The following DOCK4 variants were observed in gnomAD, a reference collection of about 807,000 sequenced individuals.
DOCK4 encodes the protein dedicator of cytokinesis protein 4.
In DOCK4, 97 loss-of-function variants were observed where a neutral mutation model predicts 268.1. The ratio of observed to expected loss-of-function variants is 0.36; its 90% CI spans 0.31 to 0.43. The LOEUF is 0.43. Ranked by LOEUF, DOCK4 falls within the 20% of genes least tolerant of loss-of-function variation. The probability of loss-of-function intolerance (pLI) is 1.00; values close to 1 mark genes in which losing one functional copy is unlikely to be tolerated. For synonymous variants in DOCK4, 954 were observed against 887.2 expected (o/e 1.08, Z -1.34); for missense variants, 2,145 against 2,455.7 (o/e 0.87, Z 2.67).
chr7:111,981,941 C>T (rs530663293), intron 7 of DOCK4, among the ~76,000 whole-genome samples: 15 of 152,138 alleles, frequency 9.9e-5, no homozygotes, highest in African/African-American at 1.2e-4. Context: ...AGAACAGAGA[C>T]AAAATTACAT....
chr7:112,048,167 TA>T (rs1019866064), intron 1 of DOCK4, among the ~76,000 whole-genome samples: 46 of 152,148 alleles, frequency 3.0e-4, no homozygotes, highest in African/African-American at 8.9e-4. Flanking sequence ...CCAAGAAGCT[TA>T]ATGAAGCACA....
chr7:112,027,819 T>A (rs949657131), intron 1 of DOCK4, among the ~76,000 whole-genome samples: 1 of 152,282 alleles, frequency 6.6e-6, no homozygotes, highest in Admixed American at 6.5e-5. Flanking sequence ...TCCTTCAACA[T>A]CATTTCTTAA....
chr7:111,988,090 T>C (rs1799192059), intron 6 of DOCK4, among the ~76,000 whole-genome samples: 1 of 152,240 alleles, frequency 6.6e-6, no homozygotes, highest in Non-Finnish European at 1.5e-5. Flanking sequence ...TTTTTCCACA[T>C]TCAGTAAGAG....
chr7:112,056,434 CTA>C (rs1805827387), intron 1 of DOCK4, among the ~76,000 whole-genome samples: 2 of 152,036 alleles, frequency 1.3e-5, no homozygotes, highest in East Asian at 3.8e-4. Flanking sequence ...AACTACTAAA[CTA>C]TATTAAAAAT....
At chr7:111,915,633 G>C in intron 13 of DOCK4, 146 bp downstream of exon 13, 4 of 642,370 alleles carry the variant, frequency 6.2e-6, no homozygotes, top group Non-Finnish European at 9.6e-6. Flanking sequence ...AAAAAAATGT[G>C]CTTACTTACA....
intron 23 of DOCK4, among the ~76,000 whole-genome samples, chr7:111,855,356 C>T (rs766894179): frequency 8.7e-4 from 132 of 151,892 alleles, no homozygotes; most frequent in Non-Finnish European, 1.6e-3. Context: ...TACAGAGGCA[C>T]GTGAGGTTTC....
intron 36 of DOCK4, among the ~76,000 whole-genome samples, chr7:111,771,097 T>C (rs973991906): frequency 6.6e-5 from 10 of 152,224 alleles, no homozygotes; most frequent in Non-Finnish European, 1.2e-4. Flanking sequence ...AAATAAATGA[T>C]CATGGTTAAA....
At chr7:111,734,854 A>G (rs1795358489) in intron 51 of DOCK4, among the ~76,000 whole-genome samples, 200 bp downstream of exon 51, 2 of 152,212 alleles carry the variant, frequency 1.3e-5, no homozygotes, top group Non-Finnish European at 2.9e-5. Context: ...CGAGAGGCTT[A>G]CTTGGAACAG....
intron 8 of DOCK4, among the ~76,000 whole-genome samples, chr7:111,949,513 A>T (rs960409895): frequency 2.0e-5 from 3 of 152,188 alleles, no homozygotes; most frequent in Non-Finnish European, 4.4e-5. Flanking sequence ...AATATGTCCT[A>T]AGCCAATGAC....
intron 1 of DOCK4, among the ~76,000 whole-genome samples, chr7:112,066,826 C>A (rs747536574): frequency 1.4e-5 from 2 of 147,864 alleles, no homozygotes; most frequent in Non-Finnish European, 3.0e-5. Flanking sequence ...GACTTCATGT[C>A]TCTTCTTTTT....
At chr7:112,048,932 C>T (rs890905017) in intron 1 of DOCK4, among the ~76,000 whole-genome samples, 3 of 152,000 alleles carry the variant, frequency 2.0e-5, no homozygotes, top group African/African-American at 7.3e-5. Context: ...ATCTCCCTCC[C>T]CCTACCTCCC....
chr7:111,805,955 C>T (rs1413470402), intron 30 of DOCK4, among the ~76,000 whole-genome samples: 2 of 152,124 alleles, frequency 1.3e-5, no homozygotes, highest in Non-Finnish European at 2.9e-5. Flanking sequence ...TTTACTAAAA[C>T]ATGATGATGT....
At chr7:111,732,527 G>A in intron 51 of DOCK4, 1 of 557,264 alleles carries the variant, frequency 1.8e-6, no homozygotes, top group Non-Finnish European at 3.2e-6. Context: ...CATATATGAT[G>A]CTTTGACTAT....
rs567527766 is a variant in DOCK4 at position 111,865,015 on chromosome 7, G to A, written c.2281-1451C>T. 5.3e-5 allele frequency among the ~76,000 whole-genome samples: 8 copies of A among 152,334 alleles called. No homozygotes were observed. In the East Asian group the frequency reaches 1.3e-3, roughly 26 times the overall value. On this transcript the variant is annotated intron_variant, in intron 22 of 52. Coordinates refer to ENST00000428084, the MANE Select transcript of DOCK4 (RefSeq NM_001363540.2). ...TATCTTGTGATGAGGGGAGGAAGACGGCTGTGCCAGGGCAAGCTGAGAGTT... is the reference window on the plus strand; with the variant it reads ...TATCTTGTGATGAGGGGAGGAAGACAGCTGTGCCAGGGCAAGCTGAGAGTT...
intron 1 of DOCK4, among the ~76,000 whole-genome samples, chr7:112,197,533 T>C (rs1820560335): frequency 1.3e-5 from 2 of 152,216 alleles, no homozygotes; most frequent in Non-Finnish European, 2.9e-5. Context: ...AAATAACTAA[T>C]GCCTTAGCTA....
intron 16 of DOCK4, among the ~76,000 whole-genome samples, chr7:111,883,165 T>G (rs906102332): frequency 2.0e-5 from 3 of 152,184 alleles, no homozygotes; most frequent in Admixed American, 2.0e-4. Context: ...AAGTGAATAC[T>G]TCAAATGCTT....
chr7:112,175,493 T>C (rs1438551431), intron 1 of DOCK4, among the ~76,000 whole-genome samples: 1 of 151,888 alleles, frequency 6.6e-6, no homozygotes, highest in East Asian at 1.9e-4. Flanking sequence ...TCCTATCATA[T>C]ATCTCTAAAT....
At chr7:111,739,874 T>C (rs1323496914) in intron 47 of DOCK4, 2 of 312,518 alleles carry the variant, frequency 6.4e-6, no homozygotes, top group East Asian at 9.0e-5. Flanking sequence ...ATAAGTGTTA[T>C]GTCTCCTTTC....
At chr7:112,035,282 G>C (rs922616735) in intron 1 of DOCK4, among the ~76,000 whole-genome samples, 42 of 151,708 alleles carry the variant, frequency 2.8e-4, no homozygotes, top group South Asian at 2.1e-4. Flanking sequence ...ATGTATGAGT[G>C]AGATGAAATG....
Sources: gnomAD v4.1 joint callset for allele counts (sites outside exome capture counted in the v4.1 genomes callset) on GRCh38, gnomAD v4.1.1 for gene constraint, MANE v1.5 for transcripts, NCBI Gene and HGNC (gene_info 2026-07-23, HGNC 2026-07-21) for gene names.